Variants in MAP4K3 observed in about 807,000 individuals in gnomAD.
MAP4K3 encodes the protein MAPK/ERK kinase kinase kinase 3.
MAP4K3 carries 94 observed loss-of-function variants against 143.5 expected under a neutral mutation model. That is an observed-to-expected ratio of 0.65 (90% CI 0.55 to 0.78). MAP4K3 has a LOEUF of 0.78. Among genes scored for constraint, MAP4K3 ranks in the 30% least tolerant of loss-of-function variants. MAP4K3 has a pLI of 0.00. For missense variants in MAP4K3, 1,077 were observed against 1,068.1 expected, an observed-to-expected ratio of 1.01 and a Z score of -0.12; for synonymous variants, 416 against 347.2, an observed-to-expected ratio of 1.20 and a Z score of -2.20.
rs183214724 is a variant in MAP4K3, at chr2:39,298,656, G to A, written c.1178+1087C>T. ...AATATATATGTCTCAACTCTCTAAT[G>A]CAACTGAAATAATATTTTGAAATTT... On this transcript the variant is annotated intron_variant, in intron 16 of 33. Transcript: ENST00000263881. Among the ~76,000 whole-genome samples the A allele has an allele frequency of 1.6e-3, 239 of 152,104 alleles. 1 individual carries two copies. Among genetic ancestry groups the A allele is most frequent in the Non-Finnish European group, 3.0e-3 (203 of 67,966 alleles).
intron 1 of MAP4K3, among the ~76,000 whole-genome samples, chr2:39,383,333 G>A (rs1558678842): frequency 6.6e-6 from 1 of 152,066 alleles, no homozygotes; most frequent in Non-Finnish European, 1.5e-5. Context: ...GCAAAAGAGG[G>A]GAAGCCCCTT....
intron 3 of MAP4K3, among the ~76,000 whole-genome samples, chr2:39,346,221 A>G (rs1200181642): frequency 6.6e-6 from 1 of 152,092 alleles, no homozygotes; most frequent in African/African-American, 2.4e-5. Flanking sequence ...TGATCACTGT[A>G]TTTCTATTAA....
chr2:39,291,565 A>T (rs1682048541), intron 18 of MAP4K3, among the ~76,000 whole-genome samples: 1 of 152,174 alleles, frequency 6.6e-6, no homozygotes, highest in Admixed American at 6.5e-5. Context: ...TGAAGTTAGG[A>T]TTCATTATAA....
chr2:39,405,629 A>G (rs1572495632), intron 1 of MAP4K3, among the ~76,000 whole-genome samples: 1 of 152,166 alleles, frequency 6.6e-6, no homozygotes, highest in Non-Finnish European at 1.5e-5. Flanking sequence ...ACACTTTGAG[A>G]GGCTGAGACA....
Position 39,272,280 on chromosome 2 carries a change from T to A in MAP4K3, c.1973+3A>T. 1 of 1,595,624 alleles carries A rather than the reference T, an allele frequency of 6.3e-7. No individual in the cohort carries two copies. The highest frequency in any genetic ancestry group is 8.6e-7 in the Non-Finnish European group (1 of 1,163,256). On this transcript the variant is annotated splice_donor_region_variant and intron_variant, in intron 26 of 33. Transcript: ENST00000263881. ...CATATTGCCTCTAAGGATGTACCCT[T>A]ACCTTGGCAGTATTCTGTCAGGGAG...
At chr2:39,286,831 C>A (rs1438334626) in intron 21 of MAP4K3, 21 bp downstream of exon 21, 31 of 1,491,110 alleles carry the variant, frequency 2.1e-5, no homozygotes, top group Non-Finnish European at 2.7e-5. Flanking sequence ...ACAAGTAGAA[C>A]TTATGACTAT....
chr2:39,289,460 T>C (rs1681939334), intron 19 of MAP4K3, among the ~76,000 whole-genome samples: 1 of 152,208 alleles, frequency 6.6e-6, no homozygotes, highest in Non-Finnish European at 1.5e-5. Context: ...TTATAAAGTA[T>C]ATATTAGCTC....
intron 1 of MAP4K3, among the ~76,000 whole-genome samples, chr2:39,380,253 T>C (rs1317390075): frequency 6.6e-6 from 1 of 152,248 alleles, no homozygotes; most frequent in East Asian, 1.9e-4. Context: ...TTGAAAGTCC[T>C]TAAGAAACTT....
chr2:39,279,902 A>G (rs1038997101), intron 23 of MAP4K3, among the ~76,000 whole-genome samples: 2 of 152,180 alleles, frequency 1.3e-5, no homozygotes, highest in South Asian at 2.1e-4. Context: ...ATAGTGAGCC[A>G]TGATCATGCC....
Position 39,308,002 on chromosome 2 carries a change from C to A in MAP4K3, c.1060G>T (p.Asp354Tyr). The change falls in exon 15 of 34, where the codon GAC becomes TAC. Residue 354 changes from aspartate to tyrosine, a missense_variant. By Grantham distance (160) the Asp-to-Tyr change is radical (BLOSUM62 -3). Transcript: ENST00000263881. ...KETEPHHELP[D>Y]SDGFLDSSEE... ...GAACTGTCCAAAAAACCATCACTGT[C>A]GGGCTGTTTAGCAGAGACCAAGAAA... 6.2e-7 allele frequency: 1 copy of A among 1,600,596 alleles called. No homozygotes were observed. Among genetic ancestry groups the A allele is most frequent in the Non-Finnish European group, 8.5e-7 (1 of 1,173,802 alleles).
At chr2:39,300,631 T>C (rs930726329) in intron 15 of MAP4K3, among the ~76,000 whole-genome samples, 19 of 152,204 alleles carry the variant, frequency 1.2e-4, no homozygotes, top group African/African-American at 4.6e-4. Context: ...AAAAAATGAA[T>C]CTTATTTACA....
intron 2 of MAP4K3, among the ~76,000 whole-genome samples, chr2:39,358,804 G>A (rs765936232): frequency 2.6e-5 from 4 of 152,162 alleles, no homozygotes; most frequent in Non-Finnish European, 4.4e-5. Context: ...CTCCTATCAC[G>A]AGTAGAGCAG....
At chr2:39,336,037 A>G (rs1350930656) in intron 6 of MAP4K3, among the ~76,000 whole-genome samples, 1 of 152,168 alleles carries the variant, frequency 6.6e-6, no homozygotes, top group Non-Finnish European at 1.5e-5. Flanking sequence ...AAAATAAGTG[A>G]AAGAAAAAAA....
At chr2:39,253,937 T>G (rs1669618356) in intron 32 of MAP4K3, among the ~76,000 whole-genome samples, 2 of 152,110 alleles carry the variant, frequency 1.3e-5, no homozygotes, top group Non-Finnish European at 2.9e-5. Context: ...GATGCATAGC[T>G]AAAGGTTAAT....
At chr2:39,379,538 C>T (rs1558676757) in intron 1 of MAP4K3, among the ~76,000 whole-genome samples, 1 of 152,046 alleles carries the variant, frequency 6.6e-6, no homozygotes, top group South Asian at 2.1e-4. Flanking sequence ...AGAAATAAAA[C>T]CAGAATATCA....
At chr2:39,389,084 C>T (rs74978311) in intron 1 of MAP4K3, among the ~76,000 whole-genome samples, 6,989 of 152,106 alleles carry the variant, frequency 0.046, 192 homozygotes, top group South Asian at 0.084. Context: ...GTATTAAATA[C>T]ATAGGACAGA....
intron 13 of MAP4K3, among the ~76,000 whole-genome samples, chr2:39,310,303 T>G (rs116297908): frequency 0.012 from 1,755 of 152,252 alleles, 14 homozygotes; most frequent in Middle Eastern, 0.034. Context: ...TCTACCTCCA[T>G]GAGATCAACT....
chr2:39,266,120 C>G (rs1478689162), intron 27 of MAP4K3, among the ~76,000 whole-genome samples: 1 of 152,158 alleles, frequency 6.6e-6, no homozygotes, highest in Non-Finnish European at 1.5e-5. Context: ...AAACCTGCCC[C>G]TTTGTCCTCA....
intron 22 of MAP4K3, among the ~76,000 whole-genome samples, chr2:39,280,877 A>G (rs1218698185): frequency 6.6e-6 from 1 of 152,124 alleles, no homozygotes; most frequent in African/African-American, 2.4e-5. Context: ...TATTTTTTTC[A>G]ATTAAGCAAT....
Sources: gnomAD v4.1 joint callset for allele counts (sites outside exome capture counted in the v4.1 genomes callset) on GRCh38, gnomAD v4.1.1 for gene constraint, MANE v1.5 for transcripts, NCBI Gene and HGNC (gene_info 2026-07-23, HGNC 2026-07-21) for gene names.